Variants in CEP350 observed in about 807,000 individuals in gnomAD.
The protein encoded by CEP350 is centrosomal protein 350.
CEP350 carries 126 observed loss-of-function variants against 331.8 expected under a neutral mutation model. That is an observed-to-expected ratio of 0.38 (90% CI 0.33 to 0.44). The LOEUF is 0.44. CEP350 is among the 20% of genes least tolerant of loss of function. The pLI is 1.00. For synonymous variants in CEP350, 1,200 were observed against 1,259.5 expected (o/e 0.95, Z 1.00); for missense variants, 3,406 against 3,634.6 (o/e 0.94, Z 1.62).
rs1219449623 is a variant in CEP350, at chr1:179,997,543, C to CAAA, written c.1018+384_1018+386dup. Among the ~76,000 whole-genome samples, 518 of 81,176 alleles carry CAAA rather than the reference C, an allele frequency of 6.4e-3. 9 individuals carry two copies. The highest frequency in any genetic ancestry group is 0.022 in the African/African-American group (478 of 21,754). The allele number at this position is 81,176 out of a possible 152,430, so 53.3% of individuals were successfully genotyped here. On this transcript the variant is annotated intron_variant, in intron 6 of 37. Coordinates refer to ENST00000367607, the MANE Select transcript of CEP350 (RefSeq NM_014810.5). ...GGGGCGACAGAGTGAGACTCGGTCTCAAAAAAAAAAAAAAAAAATTATTTC... is the reference window on the plus strand; with the variant it reads ...GGGGCGACAGAGTGAGACTCGGTCTCAAAAAAAAAAAAAAAAAAAAATTATTTC...
At chr1:180,043,361 G>T (rs933469908) in intron 20 of CEP350, among the ~76,000 whole-genome samples, 169 bp downstream of exon 20, 23 of 152,176 alleles carry the variant, frequency 1.5e-4, no homozygotes, top group Non-Finnish European at 4.4e-5. Flanking sequence ...ATTCAGTTAA[G>T]TGAATGAATA....
At chr1:180,001,975 T>C (rs1653892704) in intron 6 of CEP350, among the ~76,000 whole-genome samples, 1 of 152,246 alleles carries the variant, frequency 6.6e-6, no homozygotes, top group Non-Finnish European at 1.5e-5. Context: ...TACTATGTGG[T>C]AGCTAATTAT....
intron 27 of CEP350, among the ~76,000 whole-genome samples, chr1:180,074,475 G>A (rs938887133): frequency 6.6e-6 from 1 of 152,154 alleles, no homozygotes; most frequent in Non-Finnish European, 1.5e-5. Context: ...TATCTCTTAG[G>A]TAATGAAGAA....
intron 1 of CEP350, among the ~76,000 whole-genome samples, chr1:179,958,029 A>G (rs774481837): frequency 2.0e-5 from 3 of 152,102 alleles, no homozygotes; most frequent in Non-Finnish European, 2.9e-5. Flanking sequence ...TGATTTCATA[A>G]CTGGGAGAAG....
intron 1 of CEP350, among the ~76,000 whole-genome samples, chr1:179,959,776 A>G (rs1269035870): frequency 6.6e-6 from 1 of 152,162 alleles, no homozygotes; most frequent in Non-Finnish European, 1.5e-5. Flanking sequence ...CAAACAAAAA[A>G]ACTTTTGTTG....
rs6703005 is a variant in CEP350 at position 180,080,984 on chromosome 1, C to T, written c.6124+323C>T. Among the ~76,000 whole-genome samples the T allele has an allele frequency of 8.6e-3, 1,311 of 151,854 alleles. 16 individuals carry two copies. Among genetic ancestry groups the T allele is most frequent in the African/African-American group, 0.03 (1,236 of 41,438 alleles). ...AAGCAATTCTCCTGCCTCAGCCTCC[C>T]GAGAAGCTGGGATTACAGGCACCCG... On this transcript the variant is annotated intron_variant, in intron 30 of 37. Transcript: ENST00000367607.
chr1:180,051,341 C>G (rs1441484530), intron 22 of CEP350, among the ~76,000 whole-genome samples: 1 of 152,160 alleles, frequency 6.6e-6, no homozygotes, highest in Non-Finnish European at 1.5e-5. Context: ...AGTGAAAAAG[C>G]AGGCCCCAAA....
At chr1:180,038,577 A>G (rs1016012269) in intron 17 of CEP350, among the ~76,000 whole-genome samples, 11 of 152,126 alleles carry the variant, frequency 7.2e-5, no homozygotes, top group South Asian at 6.2e-4. Flanking sequence ...CAGTCATTCT[A>G]TTGAGTATGA....
chr1:180,016,660 G>GT (rs10660202), intron 11 of CEP350, among the ~76,000 whole-genome samples: 5,305 of 128,254 alleles, frequency 0.041, 333 homozygotes, highest in African/African-American at 0.11. Context: ...TTTGGGTTAT[G>GT]TTTTTTTTTT....
chr1:180,066,936 G>A (rs1249820680), intron 27 of CEP350, among the ~76,000 whole-genome samples: 1 of 152,120 alleles, frequency 6.6e-6, no homozygotes, highest in East Asian at 1.9e-4. Flanking sequence ...CACAGTGTCA[G>A]GGTGATTTCT....
In CEP350 at chr1:180,034,133, T is replaced by C. The variant is rs1656198681; in HGVS notation, c.3946+51T>C. On this transcript the variant is annotated intron_variant, in intron 16 of 37. Coordinates refer to ENST00000367607, the MANE Select transcript of CEP350 (RefSeq NM_014810.5). ...TTTTAGAATACGATATGAAATTTTTTTCTCTCAACATTCCTTTTCTTTGTT... is the reference window on the plus strand; with the variant it reads ...TTTTAGAATACGATATGAAATTTTTCTCTCTCAACATTCCTTTTCTTTGTT... The C allele has an allele frequency of 1.1e-5, 17 of 1,547,190 alleles. No individual in the cohort carries two copies. The South Asian group carries it at 1.9e-4, about 17-fold the overall frequency.
At position 180,113,971 on chromosome 1, in the gene CEP350, T is replaced by A. The variant is rs1288982545; in HGVS notation, c.*2810T>A. On this transcript the variant is annotated 3_prime_UTR_variant, in exon 38 of 38. Transcript: ENST00000367607. ...GGGTTAAACAAGTACAGGGTATAGA[T>A]TCCCTCTTCAGGTCTACACAGGAAT... The A allele has an allele frequency of 6.6e-6, 1 of 152,576 alleles. No individual in the cohort carries two copies. The highest frequency in any genetic ancestry group is 1.5e-5 in the Non-Finnish European group (1 of 68,026). 9.5% of individuals were successfully genotyped at this position (152,576 alleles called of 1,614,324 possible).
chr1:180,053,581 G>A (rs1008312695), intron 23 of CEP350, among the ~76,000 whole-genome samples, 169 bp from the exon 24 acceptor site: 9 of 152,184 alleles, frequency 5.9e-5, no homozygotes, highest in Non-Finnish European at 2.9e-5. Context: ...GAATAAATTA[G>A]CAGATGAATG....
Position 180,092,796 on chromosome 1 carries a change from C to A in CEP350, c.6691C>A (p.Leu2231Ile). 1 of 1,574,712 alleles carries A rather than the reference C, an allele frequency of 6.4e-7. No individual in the cohort carries two copies. The highest frequency in any genetic ancestry group is 8.6e-7 in the Non-Finnish European group (1 of 1,158,488). The change falls in exon 34 of 38, where the codon CTT becomes ATT. Residue 2231 changes from leucine (L) to isoleucine (I), a missense_variant. Around this residue, in one of 5 missense-constraint regions of CEP350, gnomAD observed 1,415 missense variants for 1,512.3 expected, o/e 0.94. Transcript: ENST00000367607. ...TCTAGAAAATGTACCTGCATTACAT[C>A]TTCTCAAAGAATTAAATGCCACTAG... is the stretch of plus-strand genomic sequence containing the variant. ...DSLENVPALH[L>I]LKELNATSRI...
In CEP350 at chr1:180,094,440, G is replaced by A. The variant is rs201361932; in HGVS notation, c.8335G>A (p.Glu2779Lys). 1.9e-6 allele frequency: 3 copies of A among 1,613,826 alleles called. No individual in the cohort carries two copies. The African/African-American group carries it at 4.0e-5, about 22-fold the overall frequency. Residue 2779 changes from glutamate (E) to lysine (K), a missense_variant, in exon 34 of 38, where the codon GAG becomes AAG. Coordinates refer to ENST00000367607, the MANE Select transcript of CEP350 (RefSeq NM_014810.5). ...QLQQIKKTRDEKIQLSNQELL... is the reference protein window; with the variant it reads ...QLQQIKKTRDKKIQLSNQELL... ...ACAACAAATCAAAAAAACCAGGGAT[G>A]AGAAAATCCAGCTTAGCAATCAGGA...
At chr1:180,012,918 T>G (rs1160417880) in intron 9 of CEP350, among the ~76,000 whole-genome samples, 2 of 152,226 alleles carry the variant, frequency 1.3e-5, no homozygotes, top group African/African-American at 4.8e-5. Context: ...CATCCTTCAC[T>G]GGAGAGTTGT....
At chr1:180,016,209 C>T (rs1654960216) in intron 11 of CEP350, among the ~76,000 whole-genome samples, 1 of 152,168 alleles carries the variant, frequency 6.6e-6, no homozygotes, top group Admixed American at 6.5e-5. Context: ...CAGTTGGAAG[C>T]ACTCTTGCCT....
At chr1:180,059,261 T>C (rs1258824463) in intron 25 of CEP350, among the ~76,000 whole-genome samples, 1 of 152,198 alleles carries the variant, frequency 6.6e-6, no homozygotes, top group East Asian at 1.9e-4. Flanking sequence ...GTCAAAACTA[T>C]TTTCTTAATG....
At chr1:179,971,595 G>A (rs1031288220) in intron 1 of CEP350, among the ~76,000 whole-genome samples, 3 of 152,078 alleles carry the variant, frequency 2.0e-5, no homozygotes, top group Admixed American at 2.0e-4. Flanking sequence ...CAAAGCGCTG[G>A]GATTACAGGT....
Sources: gnomAD v4.1 joint callset for allele counts (sites outside exome capture counted in the v4.1 genomes callset) on GRCh38, gnomAD v4.1.1 for gene constraint, gnomAD v4.1.1 regional missense constraint, MANE v1.5 for transcripts, NCBI Gene and HGNC (gene_info 2026-07-23, HGNC 2026-07-21) for gene names.